Variants in NEURL1 observed in about 807,000 individuals in gnomAD.
The protein encoded by NEURL1 is E3 ubiquitin-protein ligase NEURL1.
A neutral mutation model predicts 41.2 loss-of-function variants in NEURL1; 26 were observed. That is an observed-to-expected ratio of 0.63 (90% confidence interval 0.46 to 0.87). The LOEUF (loss-of-function observed/expected upper bound fraction) is 0.87, where lower values mean the gene tolerates loss of function less well. NEURL1 is among the 40% of genes least tolerant of loss of function. The probability of loss-of-function intolerance (pLI) is 0.00; values close to 1 mark genes in which losing one functional copy is unlikely to be tolerated. For missense variants in NEURL1, 761 were observed against 871.1 expected (o/e 0.87, Z 1.59); for synonymous variants, 400 against 402.3 (o/e 0.99, Z 0.07).
At position 103,494,482 on chromosome 10, in the gene NEURL1, C is replaced by T. The variant is rs1177229258; in HGVS notation, c.85+10C>T. On this transcript the variant is annotated intron_variant, in intron 1 of 5. Transcript: ENST00000369780. ...CCCCAGAACCTCAAAGGTAGGCTCC[C>T]CGGCCGAGCGCTGCTGGAGGACTGG... The T allele has an allele frequency of 3.2e-6, 5 of 1,549,890 alleles. No individual in the cohort carries two copies. In the South Asian group the frequency reaches 4.8e-5, roughly 15 times the overall value.
chr10:103,495,331 G>T (rs954376647), intron 1 of NEURL1, among the ~76,000 whole-genome samples: 1 of 152,324 alleles, frequency 6.6e-6, no homozygotes, highest in Non-Finnish European at 1.5e-5. Flanking sequence ...GGGCATGATG[G>T]CTAAAAGCCA....
At chr10:103,585,410 G>A (rs1270722407) in intron 4 of NEURL1, among the ~76,000 whole-genome samples, 185 bp downstream of exon 4, 1 of 152,142 alleles carries the variant, frequency 6.6e-6, no homozygotes, top group Non-Finnish European at 1.5e-5. Context: ...TATGTCACCT[G>A]GGAGACTCAC....
intron 2 of NEURL1, 141 bp from the exon 3 acceptor site, chr10:103,571,360 G>C: frequency 9.9e-7 from 1 of 1,013,000 alleles, no homozygotes. Context: ...TCCCAGCAGG[G>C]AGGGCTCCTG....
At chr10:103,532,259 CCTTT>C (rs143490680) in intron 1 of NEURL1, among the ~76,000 whole-genome samples, 2,279 of 152,120 alleles carry the variant, frequency 0.015, 30 homozygotes, top group Non-Finnish European at 0.027. Flanking sequence ...TTTTGTGTAT[CCTTT>C]CTTTCTTATT....
At chr10:103,524,772 G>A (rs1249960643) in intron 1 of NEURL1, among the ~76,000 whole-genome samples, 2 of 152,060 alleles carry the variant, frequency 1.3e-5, no homozygotes, top group Non-Finnish European at 2.9e-5. Context: ...ATGGGTTTAT[G>A]TCTGGATTTC....
intron 1 of NEURL1, among the ~76,000 whole-genome samples, chr10:103,564,825 C>T (rs943478991): frequency 1.1e-4 from 16 of 152,124 alleles, no homozygotes; most frequent in South Asian, 2.1e-4. Context: ...AAAGTTCATT[C>T]TCATTTTGCT....
In NEURL1 at chr10:103,506,564, C is replaced by CT. The variant is rs377578071; in HGVS notation, c.85+12105dup. ...CCTCCTCCTTCACGTCTGCTGTCTG[C>CT]TTTTTTTTTTTTTGAGACGGAGTCT... On this transcript the variant is annotated intron_variant, in intron 1 of 5. Transcript: ENST00000369780. Among the ~76,000 whole-genome samples the CT allele has an allele frequency of 5.8e-3, 847 of 144,812 alleles. 5 individuals are homozygous for CT. Among genetic ancestry groups the CT allele is most frequent in the African/African-American group, 0.015 (584 of 39,846 alleles).
In NEURL1 at chr10:103,569,881, C is replaced by T. The variant is rs528807498; in HGVS notation, c.86-991C>T. 4.1e-4 allele frequency among the ~76,000 whole-genome samples: 62 copies of T among 152,256 alleles called. No individual in the cohort carries two copies. The South Asian group carries it at 0.011, about 28-fold the overall frequency. On this transcript the variant is annotated intron_variant, in intron 1 of 5. Transcript: ENST00000369780. Reference sequence around the variant, plus strand: ...GGGCTTCGGAGACTGCTGTCTGGGGCCTCTGGAGAAGCGGGGATTGGAGAT... The same window carrying T: ...GGGCTTCGGAGACTGCTGTCTGGGGTCTCTGGAGAAGCGGGGATTGGAGAT...
intron 1 of NEURL1, among the ~76,000 whole-genome samples, chr10:103,546,022 G>A (rs1040329853): frequency 1.3e-5 from 2 of 152,144 alleles, no homozygotes; most frequent in African/African-American, 4.8e-5. Context: ...TCTTTTTTTA[G>A]AGACAAGGTC....
Position 103,584,682 on chromosome 10 carries a change from G to A in NEURL1, c.796G>A (p.Ala266Thr), listed in dbSNP as rs770128725. Residue 266 changes from alanine to threonine, a missense_variant, in exon 4 of 6, where the codon GCG becomes ACG. By Grantham distance (58) the Ala-to-Thr change is moderately conservative. Coordinates refer to ENST00000369780, the MANE Select transcript of NEURL1 (RefSeq NM_004210.5). Reference protein sequence around the residue: ...NVPGADGDEAAPAAGCPIPQN... With the variant: ...NVPGADGDEATPAAGCPIPQN... ...GCCGGGCGCGGACGGCGACGAGGCC[G>A]CGCCGGCCGCCGGCTGCCCCATCCC... 5 of 1,431,138 alleles carry A rather than the reference G, an allele frequency of 3.5e-6. No individual in the cohort carries two copies. Among genetic ancestry groups the A allele is most frequent in the South Asian group, 2.9e-5 (2 of 69,882 alleles). 88.7% of individuals were successfully genotyped at this position (1,431,138 alleles called of 1,614,324 possible). A position where few individuals can be genotyped will look rare whatever the true frequency, so the allele number is the denominator to read the frequency against.
rs2035123838 is a variant in NEURL1, at chr10:103,555,265, C to A, written c.86-15607C>A. On this transcript the variant is annotated intron_variant, in intron 1 of 5. Coordinates refer to ENST00000369780, the MANE Select transcript of NEURL1 (RefSeq NM_004210.5). ...GGGAGGGGCCTCGGCCCTGCCATGC[C>A]GGTCTCCGCCCGCGGGGGAGGAGAC... 3 of 1,092,600 alleles carry A rather than the reference C, an allele frequency of 2.7e-6. No homozygotes were observed. The African/African-American group carries it at 5.1e-5, about 19-fold the overall frequency. 67.7% of individuals were successfully genotyped at this position (1,092,600 alleles called of 1,614,324 possible).
intron 1 of NEURL1, among the ~76,000 whole-genome samples, chr10:103,518,356 T>C (rs1373891179): frequency 3.3e-5 from 5 of 152,132 alleles, no homozygotes; most frequent in African/African-American, 1.2e-4. Flanking sequence ...CTTCCCTCCC[T>C]CTCTCTCCCT....
At chr10:103,507,631 G>T (rs962950962) in intron 1 of NEURL1, among the ~76,000 whole-genome samples, 4 of 152,148 alleles carry the variant, frequency 2.6e-5, no homozygotes, top group African/African-American at 4.8e-5. Context: ...CTTGGGACCT[G>T]TGCTCCTGCC....
chr10:103,557,732 C>G (rs1340277952), intron 1 of NEURL1, among the ~76,000 whole-genome samples: 1 of 152,250 alleles, frequency 6.6e-6, no homozygotes, highest in African/African-American at 2.4e-5. Flanking sequence ...GCCCTAGCTG[C>G]CCCAGCGGCT....
At chr10:103,543,339 C>T (rs1269207492) in intron 1 of NEURL1, among the ~76,000 whole-genome samples, 1 of 152,192 alleles carries the variant, frequency 6.6e-6, no homozygotes, top group Non-Finnish European at 1.5e-5. Context: ...AATAGTACTG[C>T]AGGAACAAGG....
chr10:103,521,958 C>T (rs1001939924), intron 1 of NEURL1, among the ~76,000 whole-genome samples: 2 of 151,260 alleles, frequency 1.3e-5, no homozygotes, highest in South Asian at 2.1e-4. Flanking sequence ...GGGTTGGGGC[C>T]GTTTTATAGG....
intron 1 of NEURL1, among the ~76,000 whole-genome samples, chr10:103,565,875 A>G (rs1028036365): frequency 6.6e-6 from 1 of 151,576 alleles, no homozygotes; most frequent in African/African-American, 2.4e-5. Flanking sequence ...CTGGTCTCGA[A>G]CTCCTGGGCT....
intron 1 of NEURL1, among the ~76,000 whole-genome samples, chr10:103,552,215 C>A (rs956986037): frequency 5.3e-5 from 8 of 152,166 alleles, no homozygotes; most frequent in Non-Finnish European, 7.3e-5. Context: ...AGGACAGTGA[C>A]TTTCTGAAAT....
intron 1 of NEURL1, among the ~76,000 whole-genome samples, chr10:103,501,152 A>G (rs1275514389): frequency 1.3e-5 from 2 of 152,196 alleles, no homozygotes; most frequent in African/African-American, 4.8e-5. Flanking sequence ...AAGGTAGGCT[A>G]GGGTCATATC....
Sources: gnomAD v4.1 joint callset for allele counts (sites outside exome capture counted in the v4.1 genomes callset) on GRCh38, gnomAD v4.1.1 for gene constraint, MANE v1.5 for transcripts, NCBI Gene and HGNC (gene_info 2026-07-23, HGNC 2026-07-21) for gene names.